Variants in CFAP47 observed in about 807,000 individuals in gnomAD.
The protein encoded by CFAP47 is cilia and flagella associated protein 47.
Under a neutral mutation model 148.1 loss-of-function variants are expected in CFAP47, and 29 were observed. That is an observed-to-expected ratio of 0.20 (90% confidence interval 0.15 to 0.27). The LOEUF is 0.27. Ranked by LOEUF, CFAP47 falls within the 10% of genes least tolerant of loss-of-function variation. The pLI is 1.00. For missense variants in CFAP47, 1,872 were observed against 1,697.5 expected (o/e 1.10, Z -1.81); for synonymous variants, 664 against 577.3 (o/e 1.15, Z -2.15).
At chrX:35,957,069 C>T (rs1936256923) in intron 8 of CFAP47, among the ~76,000 whole-genome samples, 1 of 109,251 alleles carries the variant, frequency 9.2e-6, no homozygotes, top group Admixed American at 9.8e-5. Flanking sequence ...ATTAGCCGGG[C>T]GTGGTGGCAC....
chrX:36,039,124 C>A lies in CFAP47; in HGVS notation c.3952C>A (p.Pro1318Thr). 9.1e-7 allele frequency: 1 copy of A among 1,103,002 alleles called. No individual in the cohort carries two copies. The highest frequency in any genetic ancestry group is 1.2e-6 in the Non-Finnish European group (1 of 818,868). The allele number at this position is 1,103,002 out of a possible 1,213,427, so 90.9% of individuals were successfully genotyped here. The part of the protein sequence containing the change: ...DPPFIFFTPV[P>T]LDITTVMDIN... ...TCCATTTATATTTTTCACTCCTGTTCCTTTGGATATAACAACTGTAATGGA... is the reference window on the plus strand; with the variant it reads ...TCCATTTATATTTTTCACTCCTGTTACTTTGGATATAACAACTGTAATGGA... The change falls in exon 25 of 64, where the codon CCT becomes ACT. Residue 1318 changes from proline to threonine, a missense_variant. By Grantham distance (38) the Pro-to-Thr change is conservative (BLOSUM62 -1). Coordinates refer to ENST00000378653, the MANE Select transcript of CFAP47 (RefSeq NM_001304548.2).
At chrX:36,062,466 G>C (rs1280626771) in intron 26 of CFAP47, among the ~76,000 whole-genome samples, 1 of 111,623 alleles carries the variant, frequency 9.0e-6, no homozygotes, top group South Asian at 3.7e-4. Flanking sequence ...TGTGATTAGA[G>C]TATTAATTAT....
chrX:36,344,759 C>CTT (rs1370210182), intron 57 of CFAP47, among the ~76,000 whole-genome samples: 10 of 111,611 alleles, frequency 9.0e-5, no homozygotes, highest in African/African-American at 3.3e-4. Context: ...AATTGCTAAA[C>CTT]TTTATCTCCT....
At chrX:36,176,728 A>G (rs1939686784) in intron 39 of CFAP47, among the ~76,000 whole-genome samples, 1 of 111,099 alleles carries the variant, frequency 9.0e-6, no homozygotes, top group South Asian at 3.8e-4. Flanking sequence ...ACATGGTGAA[A>G]CTCAGTCTCT....
chrX:36,292,739 A>G (rs1691241739), intron 51 of CFAP47, among the ~76,000 whole-genome samples: 1 of 111,804 alleles, frequency 8.9e-6, no homozygotes, highest in African/African-American at 3.2e-5. Flanking sequence ...CAAAGTGATA[A>G]GGCAATAAAG....
intron 16 of CFAP47, chrX:35,989,732 CT>C: frequency 1.9e-6 from 1 of 527,164 alleles, no homozygotes; most frequent in Non-Finnish European, 2.8e-6. Flanking sequence ...CAATTTTAAC[CT>C]TTTTCTGGTA....
intron 57 of CFAP47, among the ~76,000 whole-genome samples, chrX:36,326,639 T>G (rs1054003223): frequency 1.3e-4 from 14 of 111,880 alleles, no homozygotes; most frequent in African/African-American, 4.6e-4. Context: ...GCCCCTGCCC[T>G]AGAGATTTGC....
chrX:35,971,137 T>C (rs187721370), intron 11 of CFAP47, among the ~76,000 whole-genome samples: 1 of 112,454 alleles, frequency 8.9e-6, no homozygotes, highest in East Asian at 2.8e-4. Context: ...CAGAAGCAGA[T>C]CTTGAGACAG....
intron 22 of CFAP47, among the ~76,000 whole-genome samples, chrX:36,027,102 A>T (rs1025615611): frequency 9.6e-6 from 1 of 104,036 alleles, no homozygotes; most frequent in African/African-American, 3.5e-5. Flanking sequence ...ATATATGATT[A>T]TATATATGTG....
At chrX:36,127,413 G>C (rs1413357252) in intron 33 of CFAP47, among the ~76,000 whole-genome samples, 1 of 111,368 alleles carries the variant, frequency 9.0e-6, no homozygotes, top group Non-Finnish European at 1.9e-5. Context: ...TAGATGTGTG[G>C]TATTGTTTCT....
intron 24 of CFAP47, among the ~76,000 whole-genome samples, chrX:36,037,341 G>T (rs1252105639): frequency 2.3e-5 from 2 of 88,689 alleles, no homozygotes; most frequent in African/African-American, 1.3e-4. Context: ...TTTACTCTTT[G>T]TTGTTGTTGT....
intron 57 of CFAP47, among the ~76,000 whole-genome samples, chrX:36,342,870 C>T (rs900734480): frequency 5.4e-5 from 6 of 111,003 alleles, no homozygotes; most frequent in East Asian, 2.8e-4. Context: ...ATACATGTGG[C>T]GTGATGTGGT....
At chrX:36,090,203 C>T (rs1326098405) in intron 30 of CFAP47, among the ~76,000 whole-genome samples, 2 of 111,822 alleles carry the variant, frequency 1.8e-5, no homozygotes, top group East Asian at 5.6e-4. Context: ...TTACCACTTC[C>T]TACTTTTGGT....
intron 33 of CFAP47, among the ~76,000 whole-genome samples, chrX:36,122,590 T>C (rs892335162): frequency 8.9e-6 from 1 of 111,841 alleles, no homozygotes; most frequent in African/African-American, 3.2e-5. Flanking sequence ...TTAAAGGACT[T>C]TGATGTATTT....
At chrX:36,128,155 C>A (rs907602474) in intron 33 of CFAP47, among the ~76,000 whole-genome samples, 1 of 111,026 alleles carries the variant, frequency 9.0e-6, no homozygotes, top group African/African-American at 3.3e-5. Flanking sequence ...TGAGAGAGGG[C>A]ATAATAATTT....
At chrX:36,176,216 G>T (rs746113567) in intron 39 of CFAP47, among the ~76,000 whole-genome samples, 79 of 111,467 alleles carry the variant, frequency 7.1e-4, no homozygotes, top group African/African-American at 2.5e-3. Context: ...TCCCTAGTGA[G>T]ATGAACCCCG....
rs1411506405 is a variant in CFAP47, at chrX:35,971,881, C to T, written c.2170C>T (p.Leu724Phe). ...ESVRRKVLKG[L>F]KSEPSTPQEK... Reference sequence around the variant, plus strand: ...TGATTTTTTACAGGTTCTCAAAGGACTTAAATCAGAACCATCCACTCCACA... The same window carrying T: ...TGATTTTTTACAGGTTCTCAAAGGATTTAAATCAGAACCATCCACTCCACA... Residue 724 changes from leucine (L) to phenylalanine (F), a missense_variant, in exon 13 of 64, where the codon CTT becomes TTT. By Grantham distance (22) the Leu-to-Phe change is conservative. Transcript: ENST00000378653. 8.3e-7 allele frequency: 1 copy of T among 1,198,462 alleles called. No homozygotes were observed. Among genetic ancestry groups the T allele is most frequent in the African/African-American group, 1.7e-5 (1 of 57,477 alleles).
rs201384175 is a variant in CFAP47, at chrX:36,371,776, A to ATG, written c.9185+4653_9185+4654dup. Reference sequence around the variant, plus strand: ...TACACACATGTGTGTATATACACACATGTGTATATATGTGTGTATATACAC... The same window carrying ATG: ...TACACACATGTGTGTATATACACACATGTGTGTATATATGTGTGTATATACAC... On this transcript the variant is annotated intron_variant, in intron 62 of 63. Coordinates refer to ENST00000378653, the MANE Select transcript of CFAP47 (RefSeq NM_001304548.2). 3.6e-4 allele frequency among the ~76,000 whole-genome samples: 18 copies of ATG among 49,716 alleles called. 5 individuals are homozygous for ATG. Among genetic ancestry groups the ATG allele is most frequent in the African/African-American group, 3.0e-3 (11 of 3,634 alleles). 43.2% of individuals were successfully genotyped at this position (49,716 alleles called of 115,157 possible).
chrX:36,014,637 A>T (rs1464253447), intron 21 of CFAP47, 137 bp from the exon 22 acceptor site: 4 of 245,350 alleles, frequency 1.6e-5, no homozygotes, highest in African/African-American at 5.7e-5. Flanking sequence ...TCTTTTTTTT[A>T]AAAATGTAGT....
Sources: gnomAD v4.1 joint callset for allele counts (sites outside exome capture counted in the v4.1 genomes callset) on GRCh38, gnomAD v4.1.1 for gene constraint, MANE v1.5 for transcripts, NCBI Gene and HGNC (gene_info 2026-07-23, HGNC 2026-07-21) for gene names.